Variants in ARHGEF7 observed in about 807,000 individuals in gnomAD.
The protein encoded by ARHGEF7 is Rho guanine nucleotide exchange factor 7.
Under a neutral mutation model 109.8 loss-of-function variants are expected in ARHGEF7, and 33 were observed. The ratio of observed to expected loss-of-function variants is 0.30; its 90% confidence interval spans 0.23 to 0.40. The LOEUF is 0.40. ARHGEF7 is among the 10% of genes least tolerant of loss of function. ARHGEF7 has a pLI of 1.00. For missense variants in ARHGEF7, 938 were observed against 1,098.5 expected (o/e 0.85, Z 2.07); for synonymous variants, 458 against 424.6 (o/e 1.08, Z -0.97).
At chr13:111,153,475 C>T (rs1012475960) in intron 1 of ARHGEF7, among the ~76,000 whole-genome samples, 2 of 152,156 alleles carry the variant, frequency 1.3e-5, no homozygotes, top group Admixed American at 1.3e-4. Context: ...CGGCGGTGGC[C>T]GCGCGCGGGG....
At chr13:111,221,502 T>TAGATATATAGA (rs1566875526) in intron 5 of ARHGEF7, among the ~76,000 whole-genome samples, 1 of 90,002 alleles carries the variant, frequency 1.1e-5, no homozygotes, top group Non-Finnish European at 2.1e-5. Flanking sequence ...CATATATATA[T>TAGATATATAGA]CTATATATAT....
At chr13:111,275,971 C>T (rs139826071) in intron 12 of ARHGEF7, 12 of 391,326 alleles carry the variant, frequency 3.1e-5, no homozygotes, top group African/African-American at 2.5e-4. Context: ...GAGTCCTGTG[C>T]ACACATCCGC....
At chr13:111,169,208 G>A (rs2077377427) in intron 2 of ARHGEF7, among the ~76,000 whole-genome samples, 1 of 152,200 alleles carries the variant, frequency 6.6e-6, no homozygotes, top group Non-Finnish European at 1.5e-5. Context: ...TGTGTTAGGA[G>A]AGAATTGCAG....
At chr13:111,253,008 C>T (rs74316010) in intron 8 of ARHGEF7, among the ~76,000 whole-genome samples, 3,344 of 152,368 alleles carry the variant, frequency 0.022, 125 homozygotes, top group African/African-American at 0.077. Context: ...GTTCCTCTCC[C>T]AGGGCCAGGC....
At chr13:111,127,169 G>A (rs2067622367) in intron 1 of ARHGEF7, among the ~76,000 whole-genome samples, 1 of 152,038 alleles carries the variant, frequency 6.6e-6, no homozygotes, top group Non-Finnish European at 1.5e-5. Context: ...TAGATGAAAT[G>A]GATAACTTTC....
rs1294157018 is a variant in ARHGEF7 at position 111,210,001 on chromosome 13, T to G, written c.467T>G (p.Leu156Trp). 1.2e-6 allele frequency: 2 copies of G among 1,614,224 alleles called. No individual in the cohort carries two copies. The highest frequency in any genetic ancestry group is 4.5e-5 in the East Asian group (2 of 44,880). ...CTGTTCCAGGGCCAGTATCGGAGTT[T>G]GGTAAGTTTGAGAGATTTTGTTACT... ...SKLFQGQYRSLDMTDNSNNQL... is the reference protein window; with the variant it reads ...SKLFQGQYRSWDMTDNSNNQL... Residue 156 changes from leucine (L) to tryptophan (W), a missense_variant and splice_region_variant, in exon 4 of 22, where the codon TTG becomes TGG. Physicochemically the swap from Leu to Trp is moderately conservative, Grantham distance 61. Transcript: ENST00000646102.
chr13:111,262,437 C>T (rs1375003250), intron 8 of ARHGEF7, among the ~76,000 whole-genome samples: 2 of 152,072 alleles, frequency 1.3e-5, no homozygotes, highest in East Asian at 1.9e-4. Flanking sequence ...TGTCTATCTC[C>T]ACCCTGAGTG....
At chr13:111,197,829 A>G (rs2080721399) in intron 2 of ARHGEF7, among the ~76,000 whole-genome samples, 2 of 152,114 alleles carry the variant, frequency 1.3e-5, no homozygotes, top group Admixed American at 6.5e-5. Flanking sequence ...AAACTAGAAA[A>G]GAACTAGAGA....
At chr13:111,171,591 A>G (rs1174246264) in intron 2 of ARHGEF7, among the ~76,000 whole-genome samples, 1 of 152,234 alleles carries the variant, frequency 6.6e-6, no homozygotes, top group Admixed American at 6.5e-5. Flanking sequence ...TTGCATGAGC[A>G]ATTTTTATGT....
At chr13:111,185,194 G>A (rs1467052999) in intron 2 of ARHGEF7, 1 of 152,220 alleles carries the variant, frequency 6.6e-6, no homozygotes, top group Non-Finnish European at 1.5e-5. Context: ...CTTCCCATCA[G>A]GAAGAAGGGG....
chr13:111,210,196 G>A (rs949244637), intron 4 of ARHGEF7, among the ~76,000 whole-genome samples, 194 bp downstream of exon 4: 8 of 152,200 alleles, frequency 5.3e-5, no homozygotes, highest in African/African-American at 1.9e-4. Flanking sequence ...TATGCTTAAT[G>A]ATTGCTTTTG....
At chr13:111,251,016 T>C (rs1279174860) in intron 8 of ARHGEF7, among the ~76,000 whole-genome samples, 4 of 152,210 alleles carry the variant, frequency 2.6e-5, no homozygotes, top group Non-Finnish European at 5.9e-5. Context: ...TCACTGGACA[T>C]TGCTGAGTGG....
chr13:111,294,105 C>T (rs2093366999), intron 19 of ARHGEF7: 1 of 985,336 alleles, frequency 1.0e-6, no homozygotes, highest in African/African-American at 1.7e-5. Context: ...GCAGTCAGAG[C>T]CCAGTGTTAA....
chr13:111,271,066 G>A (rs2092105322), intron 9 of ARHGEF7, among the ~76,000 whole-genome samples: 1 of 151,508 alleles, frequency 6.6e-6, no homozygotes, highest in East Asian at 1.9e-4. Context: ...CGGCAGTGAT[G>A]GTGTGGGCAG....
chr13:111,236,481 A>T (rs1249201441), intron 6 of ARHGEF7, among the ~76,000 whole-genome samples: 1 of 152,214 alleles, frequency 6.6e-6, no homozygotes, highest in African/African-American at 2.4e-5. Flanking sequence ...CCCCTGGGTT[A>T]TACTGTTGCT....
chr13:111,196,395 C>G (rs1473438187), intron 2 of ARHGEF7, among the ~76,000 whole-genome samples: 1 of 152,214 alleles, frequency 6.6e-6, no homozygotes. Context: ...GCAGCTAAAG[C>G]TGCATTCTTT....
chr13:111,288,884 G>A (rs1322631986), intron 18 of ARHGEF7, among the ~76,000 whole-genome samples: 1 of 152,026 alleles, frequency 6.6e-6, no homozygotes, highest in African/African-American at 2.4e-5. Context: ...CTTGAGCAAG[G>A]TTTCTTTTAG....
At chr13:111,141,908 TGCCTTCTAGTG>T (rs2075367453) in intron 1 of ARHGEF7, among the ~76,000 whole-genome samples, 1 of 152,250 alleles carries the variant, frequency 6.6e-6, no homozygotes, top group South Asian at 2.1e-4. Context: ...ACTGCCCAAC[TGCCTTCTAGTG>T]GCTGCACCAT....
intron 19 of ARHGEF7, chr13:111,294,490 C>T: frequency 1.0e-6 from 1 of 985,448 alleles, no homozygotes; most frequent in Non-Finnish European, 1.2e-6. Context: ...GGTTTACCAT[C>T]ATTCCATTTT....
Sources: gnomAD v4.1 joint callset for allele counts (sites outside exome capture counted in the v4.1 genomes callset) on GRCh38, gnomAD v4.1.1 for gene constraint, MANE v1.5 for transcripts, NCBI Gene and HGNC (gene_info 2026-07-23, HGNC 2026-07-21) for gene names.